Variants in KDM4B observed in about 807,000 individuals in gnomAD.
The protein encoded by KDM4B is lysine-specific demethylase 4B.
Under a neutral mutation model 125.2 loss-of-function variants are expected in KDM4B, and 32 were observed. The ratio of observed to expected loss-of-function variants is 0.26; its 90% CI spans 0.19 to 0.34. The LOEUF (loss-of-function observed/expected upper bound fraction) is 0.34, where lower values mean the gene tolerates loss of function less well. Among genes scored for constraint, KDM4B ranks in the 10% least tolerant of loss-of-function variants. The pLI is 1.00. For synonymous variants in KDM4B, 721 were observed against 677.9 expected (o/e 1.06, Z -0.99); for missense variants, 1,190 against 1,577.7 (o/e 0.75, Z 4.16).
chr19:5,129,140 C>T (rs995721964), intron 11 of KDM4B, among the ~76,000 whole-genome samples: 11 of 152,166 alleles, frequency 7.2e-5, no homozygotes, highest in Non-Finnish European at 1.3e-4. Flanking sequence ...CGTGGGCGGT[C>T]CCCCAAGCCT....
At chr19:5,034,792 G>A (rs1055338988) in intron 3 of KDM4B, among the ~76,000 whole-genome samples, 5 of 152,138 alleles carry the variant, frequency 3.3e-5, no homozygotes, top group African/African-American at 4.8e-5. Context: ...AAGCAGTCTC[G>A]CACCATCTTT....
intron 6 of KDM4B, among the ~76,000 whole-genome samples, chr19:5,059,297 G>A (rs1328632412): frequency 6.6e-6 from 1 of 152,262 alleles, no homozygotes; most frequent in Non-Finnish European, 1.5e-5. Context: ...CTCGCCAGCA[G>A]CAGGGGACAG....
intron 1 of KDM4B, among the ~76,000 whole-genome samples, chr19:4,991,244 A>T (rs1049717240): frequency 3.7e-4 from 56 of 151,462 alleles, no homozygotes; most frequent in African/African-American, 1.0e-3. Flanking sequence ...CCATCAACCC[A>T]TGGCAACCCC....
chr19:5,085,088 C>T (rs941495222), intron 9 of KDM4B, among the ~76,000 whole-genome samples: 17 of 152,290 alleles, frequency 1.1e-4, no homozygotes, highest in African/African-American at 3.4e-4. Flanking sequence ...CTGGCCACGC[C>T]GGTCTGGACG....
chr19:5,053,005 G>C (rs1229318443), intron 6 of KDM4B, among the ~76,000 whole-genome samples: 7 of 152,228 alleles, frequency 4.6e-5, no homozygotes, highest in African/African-American at 1.7e-4. Context: ...CCAGAGGTTG[G>C]GTGGCCGCAG....
In KDM4B at chr19:5,057,127, G is replaced by A. The variant is rs144401012; in HGVS notation, c.626+9458G>A. Among the ~76,000 whole-genome samples the A allele has an allele frequency of 1.4e-4, 21 of 151,866 alleles. No homozygotes were observed. In the East Asian group the frequency reaches 4.1e-3, roughly 30 times the overall value. On this transcript the variant is annotated intron_variant, in intron 6 of 22. Coordinates refer to ENST00000159111, the MANE Select transcript of KDM4B (RefSeq NM_015015.3). ...CTGTCCCCTGTGTACCTCGATGTCAGGACACGGCCCCCACCTGTGCCTCCT... is the reference window on the plus strand; with the variant it reads ...CTGTCCCCTGTGTACCTCGATGTCAAGACACGGCCCCCACCTGTGCCTCCT...
chr19:4,991,746 C>A (rs185370360), intron 1 of KDM4B, among the ~76,000 whole-genome samples: 56 of 152,132 alleles, frequency 3.7e-4, no homozygotes, highest in African/African-American at 1.2e-3. Context: ...CACAAAGGAA[C>A]GCTCTGCTTC....
intron 5 of KDM4B, among the ~76,000 whole-genome samples, chr19:5,046,188 A>G (rs974854215): frequency 2.6e-5 from 4 of 152,262 alleles, no homozygotes; most frequent in Admixed American, 2.0e-4. Flanking sequence ...GTGCCAGCCC[A>G]GGCCGACCTG....
intron 1 of KDM4B, among the ~76,000 whole-genome samples, chr19:5,003,825 C>T (rs947208831): frequency 6.6e-5 from 10 of 152,034 alleles, no homozygotes; most frequent in African/African-American, 1.9e-4. Context: ...AAGGTCCCTG[C>T]TTACCCCACT....
chr19:5,145,187 G>A (rs973261502), intron 21 of KDM4B, among the ~76,000 whole-genome samples: 19 of 150,262 alleles, frequency 1.3e-4, no homozygotes, highest in Non-Finnish European at 2.4e-4. Context: ...CCCTTTCACC[G>A]TTTTGGAGTG....
intron 21 of KDM4B, among the ~76,000 whole-genome samples, chr19:5,148,274 A>G (rs2039886399): frequency 6.6e-6 from 1 of 152,232 alleles, no homozygotes; most frequent in Non-Finnish European, 1.5e-5. Flanking sequence ...AGCACGTTCC[A>G]GGGAGGCCAC....
intron 1 of KDM4B, among the ~76,000 whole-genome samples, chr19:5,014,311 C>G (rs551305800): frequency 2.2e-4 from 34 of 152,296 alleles, no homozygotes; most frequent in African/African-American, 7.5e-4. Flanking sequence ...GAGTCTGGCT[C>G]TGTTGCCCAG....
At chr19:5,084,386 T>C (rs905490854) in intron 9 of KDM4B, among the ~76,000 whole-genome samples, 3 of 143,704 alleles carry the variant, frequency 2.1e-5, no homozygotes, top group Non-Finnish European at 3.0e-5. Flanking sequence ...ATATTGTATA[T>C]TTATATAAAA....
chr19:4,974,253 C>T (rs1020432223), intron 1 of KDM4B, among the ~76,000 whole-genome samples: 2 of 151,686 alleles, frequency 1.3e-5, no homozygotes, highest in African/African-American at 4.8e-5. Flanking sequence ...AAAAAAATTA[C>T]CCGGGCATGG....
chr19:5,005,649 C>T (rs2035532656), intron 1 of KDM4B, among the ~76,000 whole-genome samples: 2 of 152,274 alleles, frequency 1.3e-5, no homozygotes, highest in South Asian at 4.1e-4. Flanking sequence ...TGTTGAAACA[C>T]CTTTTCTTTC....
intron 10 of KDM4B, among the ~76,000 whole-genome samples, chr19:5,117,303 C>T (rs1467336641): frequency 9.6e-6 from 1 of 103,814 alleles, no homozygotes; most frequent in African/African-American, 3.8e-5. Context: ...GAAGCGACCT[C>T]TAGGGTGAGT....
chr19:5,100,949 G>A (rs946280565), intron 9 of KDM4B, among the ~76,000 whole-genome samples: 1 of 152,090 alleles, frequency 6.6e-6, no homozygotes, highest in Non-Finnish European at 1.5e-5. Context: ...GGCTGGACAC[G>A]GTGGCTCACA....
chr19:4,974,005 C>T (rs1364872658), intron 1 of KDM4B, among the ~76,000 whole-genome samples: 3 of 151,998 alleles, frequency 2.0e-5, no homozygotes, highest in East Asian at 3.9e-4. Context: ...CGGTGCACAC[C>T]TGTAGTCCCA....
chr19:5,011,364 A>C (rs2145488974), intron 1 of KDM4B, among the ~76,000 whole-genome samples: 1 of 152,316 alleles, frequency 6.6e-6, no homozygotes, highest in East Asian at 1.9e-4. Context: ...ACCTGTATCC[A>C]TCTCACTGTC....
Sources: gnomAD v4.1 joint callset for allele counts (sites outside exome capture counted in the v4.1 genomes callset) on GRCh38, gnomAD v4.1.1 for gene constraint, MANE v1.5 for transcripts, NCBI Gene and HGNC (gene_info 2026-07-23, HGNC 2026-07-21) for gene names.